Variants in EHMT2 observed in about 807,000 individuals in gnomAD.
EHMT2 encodes euchromatic histone lysine methyltransferase 2.
In EHMT2, 59 loss-of-function variants were observed where a neutral mutation model predicts 143.3. The ratio of observed to expected loss-of-function variants is 0.41; its 90% confidence interval spans 0.33 to 0.51. EHMT2 has a LOEUF of 0.51. Ranked by LOEUF, EHMT2 falls within the 20% of genes least tolerant of loss-of-function variation. The probability of loss-of-function intolerance (pLI) is 0.18; values close to 1 mark genes in which losing one functional copy is unlikely to be tolerated. For synonymous variants in EHMT2, 604 were observed against 651.5 expected (o/e 0.93, Z 1.11); for missense variants, 1,174 against 1,645.9 (o/e 0.71, Z 4.96).
In EHMT2 at chr6:31,884,955, C is replaced by T. The variant is rs866747527; in HGVS notation, c.2405G>A (p.Arg802His). ...GTCGGCGCCCCGCGTCAGTAGCATG[C>T]GGATCACCTCGATGTGCTTGTGCTC... The change falls in exon 19 of 28, where the codon CGC (arginine) becomes CAC (histidine). Residue 802 changes from arginine to histidine, a missense_variant. Around this residue, in one of 6 missense-constraint regions of EHMT2, gnomAD observed 608 missense variants for 903.7 expected, o/e 0.67. Transcript: ENST00000375537. This position sits in a 1 kb window ranked among gnomAD's most constrained non-coding sequence, Gnocchi z 7.3. 3.1e-6 allele frequency: 5 copies of T among 1,610,666 alleles called. No homozygotes were observed. The highest frequency in any genetic ancestry group is 4.5e-5 in the East Asian group (2 of 44,754).
exon 4 of EHMT2, chr6:31,896,403 C>G: frequency 6.2e-7 from 1 of 1,613,018 alleles, no homozygotes; most frequent in East Asian, 2.2e-5. Context: ...AGCCTCATAG[C>G]CAAACTCTGG....
intron 4 of EHMT2, chr6:31,893,467 G>A: frequency 2.6e-6 from 1 of 390,060 alleles, no homozygotes; most frequent in Non-Finnish European, 5.1e-6. Context: ...ACAGGCACAT[G>A]TCACAATGCC....
Position 31,888,105 on chromosome 6 carries a change from C to T in EHMT2, c.1681G>A (p.Ala561Thr). Residue 561 changes from alanine (A) to threonine (T), a missense_variant, in exon 13 of 28, where the codon GCA becomes ACA. Coordinates refer to ENST00000375537, the Ensembl canonical transcript of EHMT2. The surrounding 1 kb of genome is among the most constrained non-coding windows in gnomAD (Gnocchi z 7.4). ...GACAGGGGTGGGGGTGCAGGAGCTG[C>T]AGTGCCGGCCGGTGGGGTCACCCCG... is the stretch of plus-strand genomic sequence containing the variant. 6.2e-7 allele frequency: 1 copy of T among 1,610,970 alleles called. No individual in the cohort carries two copies. The highest frequency in any genetic ancestry group is 2.2e-5 in the East Asian group (1 of 44,836).
intron 7 of EHMT2, among the ~76,000 whole-genome samples, chr6:31,891,465 T>C (rs1765676661): frequency 6.6e-6 from 1 of 152,294 alleles, no homozygotes; most frequent in Admixed American, 6.5e-5. Flanking sequence ...TTAGGTAAAA[T>C]GATATGAGGT....
rs1210692729 is a variant in EHMT2, at chr6:31,892,685, G to A, written c.708+9C>T. 3 of 1,612,990 alleles carry A rather than the reference G, an allele frequency of 1.9e-6. No homozygotes were observed. Among genetic ancestry groups the A allele is most frequent in the Non-Finnish European group, 1.7e-6 (2 of 1,180,014 alleles). On this transcript the variant is annotated intron_variant, in intron 6 of 27. Coordinates refer to ENST00000375537, the Ensembl canonical transcript of EHMT2. ...CCCGAGGGGTAGAGGCTCTGCCTCT[G>A]CTGCTTACCAGGCCACCTCCTGAGT...
chr6:31,893,495 AT>A (rs1411113735), intron 4 of EHMT2: 11,100 of 285,240 alleles, frequency 0.039, no homozygotes, highest in South Asian at 0.072. Context: ...TGTCTTCTTA[AT>A]TTTTTTTTTT....
intron 1 of EHMT2, 40 bp from the exon 2 acceptor site, chr6:31,897,029 A>C (rs772244862): frequency 6.5e-7 from 1 of 1,530,018 alleles, no homozygotes; most frequent in South Asian, 1.3e-5. Context: ...TGGTCAGCCC[A>C]GTAGAGAGTT....
At position 31,888,506 on chromosome 6, in the gene EHMT2, G is replaced by C. The variant is rs1765204906; in HGVS notation, c.1366C>G (p.Leu456Val). The C allele has an allele frequency of 1.2e-6, 2 of 1,612,088 alleles. No individual in the cohort carries two copies. Among genetic ancestry groups the C allele is most frequent in the South Asian group, 2.2e-5 (2 of 90,984 alleles). ...AGGATGGCGGCATTGCAGCCTGACA[G>C]CTGTGCGCAGTGAGGATGGGTGAGA... The change falls in exon 12 of 28, where the codon CTG becomes GTG. Residue 456 changes from leucine (L) to valine (V), a missense_variant and splice_region_variant. This residue lies in a region of EHMT2 where 608 missense variants were observed against 903.7 expected (regional missense o/e 0.67). Coordinates refer to ENST00000375537, the Ensembl canonical transcript of EHMT2. This position sits in a 1 kb window ranked among gnomAD's most constrained non-coding sequence, Gnocchi z 7.4.
intron 15 of EHMT2, 57 bp from the exon 16 acceptor site, chr6:31,887,158 G>A (rs1324255615): frequency 6.9e-7 from 1 of 1,438,998 alleles, no homozygotes; most frequent in East Asian, 2.3e-5. Context: ...AGCAAGCTAG[G>A]GGGCAGGTGG....
rs774703636 is a variant in EHMT2, at chr6:31,888,698, C to T, written c.1266G>A (p.Glu422=). The T allele has an allele frequency of 5.5e-5, 89 of 1,613,840 alleles. No individual in the cohort carries two copies. The South Asian group carries it at 7.5e-4, about 14-fold the overall frequency. ...CCATGCGGCAGCTGCACAGGGGCAA[C>T]TCCTCAAACCCTCGCTCTGTCTCCA... The change falls in exon 11 of 28, where the codon GAG becomes GAA. Residue 422 remains glutamate (E), a synonymous_variant. Transcript: ENST00000375537. The surrounding 1 kb of genome is among the most constrained non-coding windows in gnomAD (Gnocchi z 7.4).
rs1490403103 is a variant in EHMT2, at chr6:31,883,747, C to G, written c.2916+59G>C. The G allele has an allele frequency of 6.3e-7, 1 of 1,587,170 alleles. No individual in the cohort carries two copies. The highest frequency in any genetic ancestry group is 1.7e-5 in the Admixed American group (1 of 58,440). Reference sequence around the variant, plus strand: ...GTGCCTTTGCTGGTTTGAAGCTTGTCCAACTGTACTTGGCAGCTCTCGGTG... The same window carrying G: ...GTGCCTTTGCTGGTTTGAAGCTTGTGCAACTGTACTTGGCAGCTCTCGGTG... On this transcript the variant is annotated intron_variant, in intron 22 of 27. Coordinates refer to ENST00000375537, the Ensembl canonical transcript of EHMT2. The surrounding 1 kb of genome is among the most constrained non-coding windows in gnomAD (Gnocchi z 5.6).
Position 31,881,029 on chromosome 6 carries a change from G to A in EHMT2, c.3261C>T (p.Phe1087=), listed in dbSNP as rs749526892. 8.1e-6 allele frequency: 13 copies of A among 1,612,742 alleles called. No homozygotes were observed. Among genetic ancestry groups the A allele is most frequent in the South Asian group, 1.1e-5 (1 of 91,094 alleles). The change falls in exon 26 of 28, where the codon TTC becomes TTT. Residue 1087 remains phenylalanine, a synonymous_variant. Coordinates refer to ENST00000375537, the Ensembl canonical transcript of EHMT2. This position sits in a 1 kb window ranked among gnomAD's most constrained non-coding sequence, Gnocchi z 4.8. ...TCCTGCTCACCTTGTTGTCTAAGTC[G>A]AAGAGGTAAGAATCATCCTCTCTCA...
rs754572281 is a variant in EHMT2 at position 31,883,947 on chromosome 6, G to C, written c.2775C>G (p.Asp925Glu). 1 of 1,613,508 alleles carries C rather than the reference G, an allele frequency of 6.2e-7. No individual in the cohort carries two copies. Among genetic ancestry groups the C allele is most frequent in the Admixed American group, 1.7e-5 (1 of 59,966 alleles). Residue 925 changes from aspartate (D) to glutamate (E), a missense_variant, in exon 22 of 28, where the codon GAC becomes GAG. Transcript: ENST00000375537. This position sits in a 1 kb window ranked among gnomAD's most constrained non-coding sequence, Gnocchi z 5.6. Reference sequence around the variant, plus strand: ...GCACGTTCTCATAGCCCCGAGCCACGTCCCTGCAGAAGACGGGAAGAAGGG... The same window carrying C: ...GCACGTTCTCATAGCCCCGAGCCACCTCCCTGCAGAAGACGGGAAGAAGGG...
At chr6:31,894,701 G>A (rs554929370) in intron 4 of EHMT2, among the ~76,000 whole-genome samples, 206 of 152,266 alleles carry the variant, frequency 1.4e-3, no homozygotes, top group African/African-American at 4.8e-3. Context: ...TCGCTCTGTT[G>A]CCCAGGCTGA....
Position 31,888,884 on chromosome 6 carries a change from C to A in EHMT2, c.1216+85G>T. 1 of 1,501,278 alleles carries A rather than the reference C, an allele frequency of 6.7e-7. No homozygotes were observed. Among genetic ancestry groups the A allele is most frequent in the Non-Finnish European group, 9.0e-7 (1 of 1,105,468 alleles). 93.0% of individuals were successfully genotyped at this position (1,501,278 alleles called of 1,614,324 possible). A position where few individuals can be genotyped will look rare whatever the true frequency, so the allele number is the denominator to read the frequency against. The stretch of plus-strand genomic sequence containing the variant: ...TAAAGCCTGGCCATGGACACCCCGG[C>A]TCTGGCGTGGTTCCCCTCCTTCCCT... On this transcript the variant is annotated intron_variant, in intron 10 of 27. Coordinates refer to ENST00000375537, the Ensembl canonical transcript of EHMT2. The surrounding 1 kb of genome is among the most constrained non-coding windows in gnomAD (Gnocchi z 7.4).
intron 14 of EHMT2, 25 bp from the exon 15 acceptor site, chr6:31,887,684 G>A: frequency 6.2e-7 from 1 of 1,611,304 alleles, no homozygotes; most frequent in East Asian, 2.2e-5. Flanking sequence ...CGGGAGCGGG[G>A]AGAGAAGGGG....
At chr6:31,895,386 T>G (rs964781388) in intron 4 of EHMT2, 1 of 152,154 alleles carries the variant, frequency 6.6e-6, no homozygotes, top group Admixed American at 6.5e-5. Context: ...TTTTTATCTT[T>G]TTTTTTTTCT....
At chr6:31,895,536 C>G (rs1169979698) in intron 4 of EHMT2, 1 of 151,904 alleles carries the variant, frequency 6.6e-6, no homozygotes, top group African/African-American at 2.4e-5. Context: ...TGGCTTGCAC[C>G]TGTAATCCCA....
chr6:31,897,621 C>T lies in EHMT2; in HGVS notation c.42+15G>A, dbSNP rs1766745561. 1.7e-6 allele frequency: 2 copies of T among 1,149,762 alleles called. No individual in the cohort carries two copies. Among genetic ancestry groups the T allele is most frequent in the East Asian group, 4.2e-5 (1 of 23,778 alleles). 71.2% of individuals were successfully genotyped at this position (1,149,762 alleles called of 1,614,324 possible). On this transcript the variant is annotated intron_variant, in intron 1 of 27. Transcript: ENST00000375537. Reference sequence around the variant, plus strand: ...GCGCGGGCATGCACCCGCCTCTCCCCCTCCCCTTCCGCACCTCGGCGGCCG... The same window carrying T: ...GCGCGGGCATGCACCCGCCTCTCCCTCTCCCCTTCCGCACCTCGGCGGCCG...
Sources: gnomAD v4.1 joint callset for allele counts (sites outside exome capture counted in the v4.1 genomes callset) on GRCh38, gnomAD v4.1.1 for gene constraint, gnomAD v4.1.1 regional missense constraint, Gnocchi (gnomAD v3.1) non-coding constraint, MANE v1.5 for transcripts, NCBI Gene and HGNC (gene_info 2026-07-23, HGNC 2026-07-21) for gene names.